The following CA11 variants were observed in gnomAD, a reference collection of about 807,000 sequenced individuals.
CA11 encodes carbonic anhydrase-related protein 11.
In CA11, 20 loss-of-function variants were observed where a neutral mutation model predicts 39.3. The ratio of observed to expected loss-of-function variants is 0.51; its 90% CI spans 0.36 to 0.74. The LOEUF (loss-of-function observed/expected upper bound fraction) is 0.74, where lower values mean the gene tolerates loss of function less well. Ranked by LOEUF, CA11 falls within the 30% of genes least tolerant of loss-of-function variation. The probability of loss-of-function intolerance (pLI) is 0.00; values close to 1 mark genes in which losing one functional copy is unlikely to be tolerated. For synonymous variants in CA11, 166 were observed against 172.5 expected (o/e 0.96, Z 0.29); for missense variants, 336 against 424.6 (o/e 0.79, Z 1.83).
Position 48,639,402 on chromosome 19 carries a change from C to G in CA11, c.698G>C (p.Gly233Ala), listed in dbSNP as rs1230302389. 1 of 1,613,538 alleles carries G rather than the reference C, an allele frequency of 6.2e-7. No individual in the cohort carries two copies. The highest frequency in any genetic ancestry group is 1.3e-5 in the African/African-American group (1 of 74,758). The change falls in exon 7 of 9, where the codon GGC becomes GCC. Residue 233 changes from glycine to alanine, a missense_variant. Physicochemically the swap from Gly to Ala is moderately conservative, Grantham distance 60. Transcript: ENST00000084798. ...SLELLFPESF[G>A]FITYQGSLST... ...GAGAGAGCCCTGATAGGTGATGAAG[C>G]CGAAGGATTCAGGGAACAGGAGCTC...
intron 3 of CA11, among the ~76,000 whole-genome samples, chr19:48,642,025 A>G (rs907233145): frequency 6.6e-6 from 1 of 152,018 alleles, no homozygotes; most frequent in Non-Finnish European, 1.5e-5. Flanking sequence ...AAAAGAACAA[A>G]GAGAAGGGCA....
chr19:48,639,206 T>TC, intron 7 of CA11, 99 bp downstream of exon 7: 1 of 1,540,678 alleles, frequency 6.5e-7, no homozygotes, highest in Non-Finnish European at 8.9e-7. Context: ...CTACTTGAGT[T>TC]CAGTCTATGA....
In CA11 at chr19:48,640,664, G is replaced by A. The variant is rs1475299006; in HGVS notation, c.286-384C>T. On this transcript the variant is annotated intron_variant, in intron 3 of 8. Transcript: ENST00000084798. ...GCTGGGATTACAGGCGTGAGCCACC[G>A]CACCCGGTCTTTTTTTTTTTTCTGG... is the stretch of plus-strand genomic sequence containing the variant. Among the ~76,000 whole-genome samples the A allele has an allele frequency of 8.1e-5, 12 of 149,068 alleles. No individual in the cohort carries two copies. The East Asian group carries it at 2.2e-3, about 27-fold the overall frequency.
chr19:48,645,067 G>A (rs895674116), intron 2 of CA11, among the ~76,000 whole-genome samples: 4 of 152,016 alleles, frequency 2.6e-5, no homozygotes, highest in Non-Finnish European at 5.9e-5. Context: ...TTGGGGAGAG[G>A]AGCTGCAAGA....
chr19:48,638,073 T>G lies in CA11; in HGVS notation c.*46A>C. 1 of 1,396,622 alleles carries G rather than the reference T, an allele frequency of 7.2e-7. No homozygotes were observed. The highest frequency in any genetic ancestry group is 9.5e-7 in the Non-Finnish European group (1 of 1,056,806). 86.5% of individuals were successfully genotyped at this position (1,396,622 alleles called of 1,614,324 possible). Reference sequence around the variant, plus strand: ...GTTTTAGGGGTAACTCCCCTCGCCTTGTGGGGAGGCTTAGGACGGGCGGGT... The same window carrying G: ...GTTTTAGGGGTAACTCCCCTCGCCTGGTGGGGAGGCTTAGGACGGGCGGGT... On this transcript the variant is annotated 3_prime_UTR_variant, in exon 9 of 9. Transcript: ENST00000084798.
intron 3 of CA11, among the ~76,000 whole-genome samples, chr19:48,642,228 G>A (rs1304028690): frequency 1.3e-5 from 2 of 152,200 alleles, no homozygotes; most frequent in Non-Finnish European, 2.9e-5. Context: ...GCTGGATGTG[G>A]TGGCTCACGC....
Position 48,638,884 on chromosome 19 carries a change from A to G in CA11, c.961+4T>C, listed in dbSNP as rs375551295. 1.3e-6 allele frequency: 2 copies of G among 1,582,050 alleles called. No homozygotes were observed. Among genetic ancestry groups the G allele is most frequent in the African/African-American group, 2.7e-5 (2 of 73,792 alleles). Reference sequence around the variant, plus strand: ...ACTTAGAGGGGGTGCAGACTGGACCATACCATGCAGGCGGTAGTTGGGGCC... The same window carrying G: ...ACTTAGAGGGGGTGCAGACTGGACCGTACCATGCAGGCGGTAGTTGGGGCC... On this transcript the variant is annotated splice_donor_region_variant and intron_variant, in intron 8 of 8. Coordinates refer to ENST00000084798, the MANE Select transcript of CA11 (RefSeq NM_001217.5).
intron 2 of CA11, among the ~76,000 whole-genome samples, 169 bp downstream of exon 2, chr19:48,645,234 C>T (rs947028830): frequency 4.6e-5 from 7 of 152,102 alleles, no homozygotes; most frequent in African/African-American, 1.4e-4. Flanking sequence ...GTATAATGTC[C>T]CATGGTGAGC....
chr19:48,642,021 A>C (rs1361254055), intron 3 of CA11, among the ~76,000 whole-genome samples: 2 of 151,904 alleles, frequency 1.3e-5, no homozygotes, highest in Non-Finnish European at 1.5e-5. Context: ...TTGCAAAAGA[A>C]CAAAGAGAAG....
In CA11 at chr19:48,640,185, G is replaced by A. The variant is rs1568443053; in HGVS notation, c.381C>T (p.Ser127=). Residue 127 remains serine (S), a synonymous_variant, in exon 4 of 9, where the codon AGC becomes AGT. Coordinates refer to ENST00000084798, the MANE Select transcript of CA11 (RefSeq NM_001217.5). ...GCAGCCGCAGTTCACTGAGTCGGTG[G>A]CTGTAAAGGAGGGGACCTCCAGACA... ...VNVSGGPLLY[S]HRLSELRLLF... is the part of the protein sequence containing the mutation. 1 of 1,614,070 alleles carries A rather than the reference G, an allele frequency of 6.2e-7. No homozygotes were observed. Among genetic ancestry groups the A allele is most frequent in the Non-Finnish European group, 8.5e-7 (1 of 1,179,994 alleles).
Position 48,638,024 on chromosome 19 carries a change from G to A in CA11, c.*95C>T, listed in dbSNP as rs1040771387. On this transcript the variant is annotated 3_prime_UTR_variant, in exon 9 of 9. Coordinates refer to ENST00000084798, the MANE Select transcript of CA11 (RefSeq NM_001217.5). The stretch of plus-strand genomic sequence containing the variant: ...AATCAGACCACTGAGAAAACAGGAA[G>A]TATTCTGTCCCTTTAATAGCTTTGT... 51 of 862,762 alleles carry A rather than the reference G, an allele frequency of 5.9e-5. No individual in the cohort carries two copies. In the African/African-American group the frequency reaches 8.5e-4, roughly 14 times the overall value. 53.4% of individuals were successfully genotyped at this position (862,762 alleles called of 1,614,324 possible). A position where few individuals can be genotyped will look rare whatever the true frequency, so the allele number is the denominator to read the frequency against.
chr19:48,645,770 A>G lies in CA11; in HGVS notation c.-138T>C. On this transcript the variant is annotated 5_prime_UTR_variant, in exon 1 of 9. Transcript: ENST00000084798. ...CCCCACAGGGAGTCCCAGTTCCCCA[A>G]ATGCCAAAGCAGCCAGGGACTGAGA... 1.6e-6 allele frequency: 1 copy of G among 626,380 alleles called. No homozygotes were observed. The highest frequency in any genetic ancestry group is 2.6e-6 in the Non-Finnish European group (1 of 384,558). 38.8% of individuals were successfully genotyped at this position (626,380 alleles called of 1,614,324 possible). A position where few individuals can be genotyped will look rare whatever the true frequency, so the allele number is the denominator to read the frequency against.
intron 5 of CA11, 49 bp downstream of exon 5, chr19:48,639,739 G>C: frequency 6.3e-7 from 1 of 1,596,300 alleles, no homozygotes; most frequent in Non-Finnish European, 8.6e-7. Flanking sequence ...CAGACCCCGG[G>C]TTCCAGGCAC....
rs769953178 is a variant in CA11, at chr19:48,640,230, T to G, written c.336A>C (p.Ala112=). Reference sequence around the variant, plus strand: ...CAGACACATTGACCACAGGTCGGGGTGCAGGCAGGAAGGAGACATGTCGGC... The same window carrying G: ...CAGACACATTGACCACAGGTCGGGGGGCAGGCAGGAAGGAGACATGTCGGC... The part of the protein sequence containing the change: ...NTGRHVSFLP[A]PRPVVNVSGG... Residue 112 remains alanine (A), a synonymous_variant, in exon 4 of 9, where the codon GCA becomes GCC. Transcript: ENST00000084798. 6.2e-7 allele frequency: 1 copy of G among 1,613,842 alleles called. No individual in the cohort carries two copies. The highest frequency in any genetic ancestry group is 2.2e-5 in the East Asian group (1 of 44,862).
rs1269504641 is a variant in CA11 at position 48,644,276 on chromosome 19, A to G, written c.285+151T>C. ...ATGCTTGGGATGGGAAGAATGGGTGATCCATTTTACAGTGTAAGCAGCCTC... is the reference window on the plus strand; with the variant it reads ...ATGCTTGGGATGGGAAGAATGGGTGGTCCATTTTACAGTGTAAGCAGCCTC... On this transcript the variant is annotated intron_variant, in intron 3 of 8. Coordinates refer to ENST00000084798, the MANE Select transcript of CA11 (RefSeq NM_001217.5). 9 of 532,420 alleles carry G rather than the reference A, an allele frequency of 1.7e-5. No individual in the cohort carries two copies. In the Admixed American group the frequency reaches 3.1e-4, roughly 18 times the overall value. 33.0% of individuals were successfully genotyped at this position (532,420 alleles called of 1,614,324 possible). A position where few individuals can be genotyped will look rare whatever the true frequency, so the allele number is the denominator to read the frequency against.
intron 3 of CA11, among the ~76,000 whole-genome samples, chr19:48,642,406 G>A (rs1463670764): frequency 6.6e-6 from 1 of 152,178 alleles, no homozygotes; most frequent in Non-Finnish European, 1.5e-5. Context: ...GGCTGAGGCA[G>A]GAGAATCGCT....
intron 3 of CA11, among the ~76,000 whole-genome samples, chr19:48,641,823 CT>C (rs71179023): frequency 2.5e-3 from 230 of 92,296 alleles, no homozygotes; most frequent in South Asian, 3.7e-3. Flanking sequence ...TTTCAATTTT[CT>C]TTTTTTTTTT....
Position 48,638,135 on chromosome 19 carries a change from A to G in CA11, c.971T>C (p.Val324Ala), listed in dbSNP as rs1221776595. ...AGGGGAGTCTCAGCGACCATGGGGG[A>G]CACCATCCACTGTAAGACAGAGAAC... Reference protein sequence around the residue: ...GPNYRLHVDGVPHGR With the variant: ...GPNYRLHVDGAPHGR The change falls in exon 9 of 9, where the codon GTC (valine) becomes GCC (alanine). Residue 324 changes from valine to alanine, a missense_variant. By Grantham distance (64) the Val-to-Ala change is moderately conservative. Coordinates refer to ENST00000084798, the MANE Select transcript of CA11 (RefSeq NM_001217.5). The G allele has an allele frequency of 8.1e-7, 1 of 1,237,286 alleles. No homozygotes were observed. The highest frequency in any genetic ancestry group is 1.0e-6 in the Non-Finnish European group (1 of 960,180). The allele number at this position is 1,237,286 out of a possible 1,614,324, so 76.6% of individuals were successfully genotyped here. A position where few individuals can be genotyped will look rare whatever the true frequency, so the allele number is the denominator to read the frequency against.
chr19:48,639,920 A>C, intron 4 of CA11, 37 bp from the exon 5 acceptor site: 1 of 1,584,990 alleles, frequency 6.3e-7, no homozygotes, highest in Non-Finnish European at 8.7e-7. Context: ...CCCCAGCAGA[A>C]GGGGAGGAGA....
Sources: allele counts gnomAD v4.1 joint callset (sites outside exome capture counted in the v4.1 genomes callset), GRCh38; gene constraint gnomAD v4.1.1; transcripts MANE v1.5; gene names NCBI Gene and HGNC (gene_info 2026-07-23, HGNC 2026-07-21).